The following MACF1 variants were observed in gnomAD, a reference collection of about 807,000 sequenced individuals.
MACF1 encodes microtubule-actin cross-linking factor 1.
Under a neutral mutation model 854.8 loss-of-function variants are expected in MACF1, and 193 were observed. The ratio of observed to expected loss-of-function variants is 0.23; its 90% CI spans 0.20 to 0.25. The LOEUF (loss-of-function observed/expected upper bound fraction) is 0.25. Among genes scored for constraint, MACF1 ranks in the 10% least tolerant of loss-of-function variants. The pLI is 1.00. For missense variants in MACF1, 7,722 were observed against 8,929.1 expected, an observed-to-expected ratio of 0.86 and a Z score of 5.45; for synonymous variants, 3,185 against 3,226.7, an observed-to-expected ratio of 0.99 and a Z score of 0.44.
chr1:39,387,036 A>G (rs1020606775), intron 57 of MACF1, 151 bp from the exon 58 acceptor site: 1 of 731,578 alleles, frequency 1.4e-6, no homozygotes, highest in Non-Finnish European at 2.2e-6. Context: ...AAGATAGTGT[A>G]CATGAAGGAG....
intron 2 of MACF1, among the ~76,000 whole-genome samples, chr1:39,136,404 G>T (rs952862009): frequency 4.6e-5 from 7 of 152,204 alleles, no homozygotes; most frequent in African/African-American, 1.7e-4. Context: ...AGGAGAGGCA[G>T]TAGTCCCTCC....
intron 2 of MACF1, among the ~76,000 whole-genome samples, chr1:39,153,787 C>G (rs1451743187): frequency 1.3e-5 from 2 of 152,180 alleles, no homozygotes; most frequent in African/African-American, 4.8e-5. Flanking sequence ...TGGGGACAGC[C>G]CTTTCTTCAA....
chr1:39,086,543 C>A (rs1220474423), intron 2 of MACF1, among the ~76,000 whole-genome samples: 1 of 152,226 alleles, frequency 6.6e-6, no homozygotes, highest in Non-Finnish European at 1.5e-5. Context: ...GACTCATAAA[C>A]CTCTTTCTCC....
rs1646807554 is a variant in MACF1, at chr1:39,336,208, G to A, written c.9620G>A (p.Arg3207Lys). 6.2e-7 allele frequency: 1 copy of A among 1,614,062 alleles called. No individual in the cohort carries two copies. Among genetic ancestry groups the A allele is most frequent in the Middle Eastern group, 1.6e-4 (1 of 6,062 alleles). The change falls in exon 37 of 101, where the codon AGA becomes AAA. Residue 3207 changes from arginine (R) to lysine (K), a missense_variant. Around this residue, in one of 15 missense-constraint regions of MACF1, gnomAD observed 854 missense variants for 852.6 expected, o/e 1.00. Coordinates refer to ENST00000564288, the MANE Select transcript of MACF1 (RefSeq NM_001394062.1). ...GTCAGGTATCTAGAATTCTCAGACA[G>A]AAAAGACCTTCATCATCAGGGCAGC... ...KEVRYLEFSDRKDLHHQGSKS... is the reference protein window; with the variant it reads ...KEVRYLEFSDKKDLHHQGSKS...
chr1:39,233,808 T>TTTTTTTTTTTTTA lies in MACF1; in HGVS notation c.171+2565_171+2566insTTTTTTTTTTTTA, dbSNP rs755591226. Among the ~76,000 whole-genome samples the TTTTTTTTTTTTTA allele has an allele frequency of 3.9e-3, 257 of 65,804 alleles. 81 individuals carry two copies. The highest frequency in any genetic ancestry group is 6.2e-3 in the Non-Finnish European group (187 of 30,116). 43.2% of individuals were successfully genotyped at this position (65,804 alleles called of 152,430 possible). A position where few individuals can be genotyped will look rare whatever the true frequency, so the allele number is the denominator to read the frequency against. ...TTTTTTTTTTTTTTTATTTATTTTT[T>TTTTTTTTTTTTTA]ATTGATAATTCTTGGGTGTTTCTCA... On this transcript the variant is annotated intron_variant, in intron 2 of 100. Coordinates refer to ENST00000564288, the MANE Select transcript of MACF1 (RefSeq NM_001394062.1).
intron 58 of MACF1, chr1:39,412,074 G>C: frequency 3.1e-6 from 5 of 1,613,996 alleles, no homozygotes; most frequent in Non-Finnish European, 4.2e-6. Context: ...CAGGAGGACT[G>C]CTGAACTCTG....
intron 95 of MACF1, among the ~76,000 whole-genome samples, chr1:39,466,973 A>G (rs904388358): frequency 1.3e-5 from 2 of 152,220 alleles, no homozygotes; most frequent in Non-Finnish European, 2.9e-5. Context: ...TACCACAAGT[A>G]TATTAATTTT....
intron 58 of MACF1, among the ~76,000 whole-genome samples, chr1:39,403,227 T>G (rs1450136820): frequency 1.3e-5 from 2 of 152,172 alleles, no homozygotes; most frequent in Non-Finnish European, 1.5e-5. Flanking sequence ...GCCTCCCAAG[T>G]AGCTGGGACT....
chr1:39,452,405 G>T, intron 86 of MACF1, 55 bp downstream of exon 86: 1 of 1,527,104 alleles, frequency 6.5e-7, no homozygotes, highest in Non-Finnish European at 8.8e-7. Context: ...GGTTTATTTG[G>T]TTTTTCTTTT....
At chr1:39,265,878 T>C (rs4660214) in intron 6 of MACF1, among the ~76,000 whole-genome samples, 24,374 of 152,206 alleles carry the variant, frequency 0.16, 2,412 homozygotes, top group Middle Eastern at 0.22. Flanking sequence ...CCAAGTACTT[T>C]ATGGACATTA....
chr1:39,456,035 G>A (rs924822670), intron 89 of MACF1, among the ~76,000 whole-genome samples: 7 of 152,124 alleles, frequency 4.6e-5, no homozygotes, highest in Non-Finnish European at 1.0e-4. Flanking sequence ...ATATTCAGTA[G>A]AAACTATACA....
chr1:39,115,452 G>A (rs554036576), intron 2 of MACF1, among the ~76,000 whole-genome samples: 2 of 152,244 alleles, frequency 1.3e-5, no homozygotes, highest in African/African-American at 2.4e-5. Context: ...TGGGTGGGTC[G>A]TGTCATGAAC....
At chr1:39,397,091 A>AT (rs1488495752) in intron 58 of MACF1, among the ~76,000 whole-genome samples, 3 of 152,182 alleles carry the variant, frequency 2.0e-5, no homozygotes, top group Non-Finnish European at 4.4e-5. Flanking sequence ...GTGATTCCAT[A>AT]TTCCTTTTAA....
At position 39,434,496 on chromosome 1, in the gene MACF1, A is replaced by G; in HGVS notation, c.17648A>G (p.Gln5883Arg). 6.2e-7 allele frequency: 1 copy of G among 1,613,420 alleles called. No homozygotes were observed. Among genetic ancestry groups the G allele is most frequent in the Non-Finnish European group, 8.5e-7 (1 of 1,179,932 alleles). ...CGTTATGCCCGCCTAGAGCGGGCCC[A>G]GGTCTTAGTAAACCAGTTTTGGGAA... Reference protein sequence around the residue: ...SERYARLERAQVLVNQFWETY... With the variant: ...SERYARLERARVLVNQFWETY... The change falls in exon 69 of 101, where the codon CAG becomes CGG. Residue 5883 changes from glutamine (Q) to arginine (R), a missense_variant. Transcript: ENST00000564288.
intron 57 of MACF1, among the ~76,000 whole-genome samples, chr1:39,386,407 C>T (rs1326552359): frequency 2.0e-5 from 3 of 150,388 alleles, no homozygotes; most frequent in African/African-American, 7.4e-5. Context: ...ACTATAGACA[C>T]ACGCCACCAT....
At chr1:39,253,132 G>A (rs1645060269) in intron 4 of MACF1, among the ~76,000 whole-genome samples, 1 of 152,060 alleles carries the variant, frequency 6.6e-6, no homozygotes, top group Admixed American at 6.6e-5. Flanking sequence ...ATGTTCTAGG[G>A]GTAGATATCC....
Position 39,084,840 on chromosome 1 carries a change from G to A in MACF1, c.220+402G>A, listed in dbSNP as rs982641661. ...CATTTCTAAAAGCTGTCTATTTCAT[G>A]ACTTTCTAAATCCTACTCTTTTTTC... On this transcript the variant is annotated intron_variant, in intron 2 of 93. Transcript: ENST00000361689. This position sits in a 1 kb window ranked among gnomAD's most constrained non-coding sequence, Gnocchi z 5.2. Among the ~76,000 whole-genome samples the A allele has an allele frequency of 1.3e-5, 2 of 152,080 alleles. No individual in the cohort carries two copies. Among genetic ancestry groups the A allele is most frequent in the Admixed American group, 1.3e-4 (2 of 15,254 alleles).
At chr1:39,194,336 CTTTTCTTTTCTTTTCTTT>C (rs1399401571) in intron 2 of MACF1, among the ~76,000 whole-genome samples, 2 of 61,356 alleles carry the variant, frequency 3.3e-5, no homozygotes, top group African/African-American at 6.9e-5. Flanking sequence ...CTTTTCTTTT[CTTTTCTTTTCTTTTCTTT>C]TTTTTTTTTT....
rs1328458781 is a variant in MACF1 at position 39,409,166 on chromosome 1, C to T, written c.15817-13208C>T. Among the ~76,000 whole-genome samples, 1 of 152,068 alleles carries T rather than the reference C, an allele frequency of 6.6e-6. No homozygotes were observed. The highest frequency in any genetic ancestry group is 1.5e-5 in the Non-Finnish European group (1 of 67,994). Reference sequence around the variant, plus strand: ...CGACCCTAGCGGAGCCTTTTGTTCCCAGCCAGAAGTTTGCATGCCGGGACC... The same window carrying T: ...CGACCCTAGCGGAGCCTTTTGTTCCTAGCCAGAAGTTTGCATGCCGGGACC... On this transcript the variant is annotated intron_variant, in intron 58 of 100. Transcript: ENST00000564288. The surrounding 1 kb of genome is among the most constrained non-coding windows in gnomAD (Gnocchi z 4.2).
Sources: allele counts gnomAD v4.1 joint callset (sites outside exome capture counted in the v4.1 genomes callset), GRCh38; gene constraint gnomAD v4.1.1; regional missense constraint gnomAD v4.1.1; non-coding constraint Gnocchi (gnomAD v3.1); transcripts MANE v1.5; gene names NCBI Gene and HGNC (gene_info 2026-07-23, HGNC 2026-07-21).